CTH: variants seen among roughly 807,000 people sequenced by gnomAD.
CTH encodes cystathionase (cystathionine gamma-lyase).
A neutral mutation model predicts 50.6 loss-of-function variants in CTH; 41 were observed. The observed-to-expected ratio is 0.81, with a 90% CI of 0.63 to 1.05. The LOEUF is 1.05. CTH is among the 50% of genes least tolerant of loss of function. The pLI is 0.00. For synonymous variants in CTH, 156 were observed against 168.9 expected, an observed-to-expected ratio of 0.92 and a Z score of 0.59; for missense variants, 470 against 492.6, an observed-to-expected ratio of 0.95 and a Z score of 0.43.
chr1:70,422,756 C>A (rs141707238), intron 4 of CTH, among the ~76,000 whole-genome samples: 2 of 151,950 alleles, frequency 1.3e-5, no homozygotes, highest in Non-Finnish European at 2.9e-5. Flanking sequence ...GGATTACAGG[C>A]GCCCATCACC....
rs1243040635 is a variant in CTH at position 70,435,091 on chromosome 1, T to C, written c.1000-34T>C. On this transcript the variant is annotated intron_variant, in intron 9 of 11. Coordinates refer to ENST00000370938, the MANE Select transcript of CTH (RefSeq NM_001902.6). ...TTAGATTTTAGTATTTTTATTTTAC[T>C]AGAAAATCTAAATTCATGTTTTCTT... The C allele has an allele frequency of 1.9e-6, 3 of 1,584,968 alleles. No homozygotes were observed. The South Asian group carries it at 3.4e-5, about 18-fold the overall frequency.
rs1021737 is a variant in CTH, at chr1:70,439,117, G to A, written c.1208G>A (p.Ser403Asn). 1.2e-6 allele frequency: 2 copies of A among 1,611,202 alleles called. No individual in the cohort carries two copies. Among genetic ancestry groups the A allele is most frequent in the African/African-American group, 1.3e-5 (1 of 74,946 alleles). ...TTATTATAGCACCCTCCAAGTGGAA[G>A]TCACAGCTAGTATTCCAGAGCTGCT... ...ALKAAHPPSG[S>N]HS Residue 403 changes from serine (S) to asparagine (N), a missense_variant, in exon 12 of 12, where the codon AGT (serine) becomes AAT (asparagine). Physicochemically the swap from Ser to Asn is conservative, Grantham distance 46. Coordinates refer to ENST00000370938, the MANE Select transcript of CTH (RefSeq NM_001902.6).
At chr1:70,420,288 C>T (rs771010581) in intron 3 of CTH, among the ~76,000 whole-genome samples, 15 of 152,090 alleles carry the variant, frequency 9.9e-5, no homozygotes, top group South Asian at 2.1e-4. Context: ...CACTCGTGCC[C>T]GGCCTCAGGG....
At chr1:70,415,330 G>A (rs1248131189) in intron 1 of CTH, among the ~76,000 whole-genome samples, 1 of 152,078 alleles carries the variant, frequency 6.6e-6, no homozygotes, top group Non-Finnish European at 1.5e-5. Flanking sequence ...CTTAAGCCCA[G>A]GAGTTTGAGG....
Position 70,417,995 on chromosome 1 carries a change from A to G in CTH, c.309A>G (p.Ala103=), listed in dbSNP as rs1362027915. 1 of 1,614,054 alleles carries G rather than the reference A, an allele frequency of 6.2e-7. No homozygotes were observed. Among genetic ancestry groups the G allele is most frequent in the African/African-American group, 1.3e-5 (1 of 74,938 alleles). Residue 103 remains alanine (A), a synonymous_variant, in exon 3 of 12, where the codon GCA becomes GCG. Transcript: ENST00000370938. ...ATVTITHLLK[A]GDQIICMDDV... ...TAACTATTACCCATCTTTTAAAAGC[A>G]GGAGACCAAATTATTTGTATGGATG...
chr1:70,434,696 A>T (rs1684555424), intron 9 of CTH, among the ~76,000 whole-genome samples: 1 of 151,180 alleles, frequency 6.6e-6, no homozygotes. Context: ...AAGCATTTAG[A>T]GATTTTTTTA....
chr1:70,416,129 A>T (rs1024202283), intron 2 of CTH, 92 bp downstream of exon 2: 23 of 826,318 alleles, frequency 2.8e-5, no homozygotes, highest in Non-Finnish European at 4.5e-5. Context: ...AAAGAAACAG[A>T]TTTGCTAGTT....
rs764166661 is a variant in CTH, at chr1:70,415,993, A to G, written c.206A>G (p.Asn69Ser). The change falls in exon 2 of 12, where the codon AAT becomes AGT. Residue 69 changes from asparagine to serine, a missense_variant. Coordinates refer to ENST00000370938, the MANE Select transcript of CTH (RefSeq NM_001902.6). The part of the protein sequence containing the change: ...EYSRSGNPTR[N>S]CLEKAVAALD... ...AGCCGTTCTGGAAATCCCACTAGGA[A>G]TTGCCTTGAAAAAGCAGTGGCAGCA... 6.2e-7 allele frequency: 1 copy of G among 1,611,608 alleles called. No individual in the cohort carries two copies. Among genetic ancestry groups the G allele is most frequent in the Non-Finnish European group, 8.5e-7 (1 of 1,177,656 alleles).
intron 4 of CTH, among the ~76,000 whole-genome samples, 169 bp downstream of exon 4, chr1:70,421,844 A>G (rs780415544): frequency 3.3e-5 from 5 of 152,226 alleles, no homozygotes; most frequent in Non-Finnish European, 7.3e-5. Flanking sequence ...TTATAGCATA[A>G]TGGTAGTACA....
At chr1:70,438,567 G>T in intron 10 of CTH, 121 bp from the exon 11 acceptor site, 1 of 1,016,198 alleles carries the variant, frequency 9.8e-7, no homozygotes, top group Non-Finnish European at 1.5e-6. Context: ...GAATTATAGG[G>T]GTATGCAAAA....
intron 5 of CTH, among the ~76,000 whole-genome samples, chr1:70,426,957 T>C (rs1431655334): frequency 6.6e-6 from 1 of 152,214 alleles, no homozygotes; most frequent in Non-Finnish European, 1.5e-5. Flanking sequence ...GTCACTAACA[T>C]AGGTCTAGTT....
In CTH at chr1:70,411,568, G is replaced by T. The variant is rs543136930; in HGVS notation, c.153G>T (p.Ala51=). The change falls in exon 1 of 12, where the codon GCG becomes GCT. Residue 51 remains alanine (A), a synonymous_variant. Transcript: ENST00000370938. The part of the protein sequence containing the change: ...ISLSTTFKQG[A]PGQHSGFEYS... ...TGTCCACCACGTTCAAGCAAGGGGC[G>T]CCTGGCCAGCACTCGGTGAGCTGGG... The T allele has an allele frequency of 6.2e-6, 10 of 1,613,772 alleles. No individual in the cohort carries two copies. Among genetic ancestry groups the T allele is most frequent in the African/African-American group, 1.3e-5 (1 of 74,920 alleles).
intron 4 of CTH, among the ~76,000 whole-genome samples, chr1:70,423,726 G>A (rs1281176186): frequency 3.3e-5 from 5 of 152,130 alleles, no homozygotes; most frequent in Non-Finnish European, 7.4e-5. Flanking sequence ...TTTTAAGTAG[G>A]CGGTAACCAC....
At chr1:70,424,455 C>A (rs1379544921) in intron 5 of CTH, 39 bp downstream of exon 5, 4 of 1,611,824 alleles carry the variant, frequency 2.5e-6, no homozygotes, top group African/African-American at 2.7e-5. Context: ...ATTAGTAGAC[C>A]ACATATATCT....
intron 3 of CTH, among the ~76,000 whole-genome samples, chr1:70,420,972 T>A (rs4650049): frequency 6.6e-6 from 1 of 151,938 alleles, no homozygotes; most frequent in Non-Finnish European, 1.5e-5. Flanking sequence ...ATATCAATTT[T>A]TTCTTTAAGT....
At chr1:70,438,604 G>T in intron 10 of CTH, 84 bp from the exon 11 acceptor site, 2 of 1,478,508 alleles carry the variant, frequency 1.4e-6, no homozygotes, top group Admixed American at 3.3e-5. Flanking sequence ...GAAAAATGTT[G>T]AGGGTAATTG....
intron 1 of CTH, among the ~76,000 whole-genome samples, chr1:70,413,327 G>C (rs1315251551): frequency 6.7e-6 from 1 of 150,022 alleles, no homozygotes; most frequent in African/African-American, 2.5e-5. Flanking sequence ...GCAGTGGTGC[G>C]ATCTCGGCTC....
In CTH at chr1:70,411,290, C is replaced by G; in HGVS notation, c.-126C>G. The stretch of plus-strand genomic sequence containing the variant: ...TGTGCCGCTTTAGTGCGCTCGCCGT[C>G]GGCTCTACCTGCGTGCTTTAGCTCC... On this transcript the variant is annotated 5_prime_UTR_variant, in exon 1 of 12. Transcript: ENST00000370938. 2 of 930,130 alleles carry G rather than the reference C, an allele frequency of 2.2e-6. No individual in the cohort carries two copies. The highest frequency in any genetic ancestry group is 1.6e-5 in the African/African-American group (1 of 61,878). 57.6% of individuals were successfully genotyped at this position (930,130 alleles called of 1,614,324 possible). A position where few individuals can be genotyped will look rare whatever the true frequency, so the allele number is the denominator to read the frequency against.
chr1:70,418,156 C>T (rs1684134169), intron 3 of CTH, 124 bp downstream of exon 3: 14 of 1,209,250 alleles, frequency 1.2e-5, no homozygotes, highest in East Asian at 2.6e-5. Flanking sequence ...ACAGGTGTGA[C>T]AGGTACCTCT....
Sources: gnomAD v4.1 joint callset for allele counts (sites outside exome capture counted in the v4.1 genomes callset) on GRCh38, gnomAD v4.1.1 for gene constraint, MANE v1.5 for transcripts, NCBI Gene and HGNC (gene_info 2026-07-23, HGNC 2026-07-21) for gene names.